Variants in KCNMA1 observed in about 807,000 individuals in gnomAD.
KCNMA1 encodes potassium calcium-activated channel subfamily M alpha 1.
A neutral mutation model predicts 140.0 loss-of-function variants in KCNMA1; 29 were observed. The ratio of observed to expected loss-of-function variants is 0.21; its 90% CI spans 0.15 to 0.28. The LOEUF is 0.28. KCNMA1 is among the 10% of genes least tolerant of loss of function. The pLI, the probability that KCNMA1 is intolerant of heterozygous loss-of-function variation, is 1.00. For synonymous variants in KCNMA1, 612 were observed against 611.9 expected (o/e 1.00, Z 0.00); for missense variants, 880 against 1,602.2 (o/e 0.55, Z 7.70).
intron 2 of KCNMA1, among the ~76,000 whole-genome samples, chr10:77,262,585 G>A (rs904832362): frequency 1.3e-5 from 2 of 152,116 alleles, no homozygotes; most frequent in South Asian, 4.2e-4. Flanking sequence ...TTTTGGTCAT[G>A]GGGGTGGATC....
At chr10:76,906,744 G>T (rs1468255101) in intron 25 of KCNMA1, among the ~76,000 whole-genome samples, 1 of 152,088 alleles carries the variant, frequency 6.6e-6, no homozygotes, top group Non-Finnish European at 1.5e-5. Flanking sequence ...AGCCCTTTTT[G>T]TTCCTTCTAG....
chr10:77,442,088 G>A (rs1466511591), intron 1 of KCNMA1, among the ~76,000 whole-genome samples: 1 of 152,134 alleles, frequency 6.6e-6, no homozygotes, highest in African/African-American at 2.4e-5. Context: ...AGATCACCCA[G>A]GAGACTCGAA....
At chr10:76,934,402 C>T (rs1305097913) in intron 23 of KCNMA1, among the ~76,000 whole-genome samples, 1 of 152,176 alleles carries the variant, frequency 6.6e-6, no homozygotes, top group African/African-American at 2.4e-5. Context: ...GACAAAAATG[C>T]ACTGAATAGC....
chr10:77,556,724 C>A (rs2064620119), intron 1 of KCNMA1, among the ~76,000 whole-genome samples: 1 of 152,072 alleles, frequency 6.6e-6, no homozygotes, highest in South Asian at 2.1e-4. Context: ...TCATGAGCAT[C>A]CCAACCAAGT....
intron 15 of KCNMA1, among the ~76,000 whole-genome samples, chr10:77,037,467 C>G (rs1040575206): frequency 6.6e-6 from 1 of 152,174 alleles, no homozygotes; most frequent in Non-Finnish European, 1.5e-5. Context: ...TCAAACATAC[C>G]TAGTGACTAT....
At chr10:77,463,179 T>C (rs182032925) in intron 1 of KCNMA1, among the ~76,000 whole-genome samples, 7 of 152,216 alleles carry the variant, frequency 4.6e-5, no homozygotes, top group Admixed American at 4.6e-4. Context: ...TCCCTTCATA[T>C]CACTATCTTG....
rs78729295 is a variant in KCNMA1, at chr10:77,096,297, C to T, written c.1224-5787G>A. Among the ~76,000 whole-genome samples the T allele has an allele frequency of 1.3e-4, 20 of 152,286 alleles. No individual in the cohort carries two copies. The East Asian group carries it at 3.5e-3, about 27-fold the overall frequency. On this transcript the variant is annotated intron_variant, in intron 9 of 27. Transcript: ENST00000286628. ...AGTCACTAAAATGAAGAGGCCCAGG[C>T]TGACTGGGCTGCACCCACCAGACAC... is the stretch of plus-strand genomic sequence containing the variant.
chr10:77,216,532 A>G (rs2047841272), intron 3 of KCNMA1, among the ~76,000 whole-genome samples: 3 of 152,174 alleles, frequency 2.0e-5, no homozygotes, highest in African/African-American at 7.2e-5. Context: ...GAAAGAAAAT[A>G]TTTACCAATT....
intron 14 of KCNMA1, among the ~76,000 whole-genome samples, chr10:77,069,296 T>G (rs970757296): frequency 6.6e-6 from 1 of 152,180 alleles, no homozygotes; most frequent in Non-Finnish European, 1.5e-5. Flanking sequence ...CACCAGGATG[T>G]TCGTGCGAAC....
Position 76,924,029 on chromosome 10 carries a change from A to G in KCNMA1, c.2903-8980T>C, listed in dbSNP as rs550368088. The stretch of plus-strand genomic sequence containing the variant: ...CAAAAAATAAAATATAATGAGACAT[A>G]CTTGCTTGGCCAGTGTGGATCAAAT... On this transcript the variant is annotated intron_variant, in intron 23 of 27. Coordinates refer to ENST00000286628, the MANE Select transcript of KCNMA1 (RefSeq NM_001161352.2). Among the ~76,000 whole-genome samples the G allele has an allele frequency of 5.0e-4, 76 of 152,292 alleles. 2 individuals are homozygous for G. In the South Asian group the frequency reaches 0.014, roughly 29 times the overall value.
intron 6 of KCNMA1, among the ~76,000 whole-genome samples, chr10:77,113,146 G>C (rs1422842871): frequency 6.6e-6 from 1 of 151,972 alleles, no homozygotes. Flanking sequence ...CAACTGTCAG[G>C]AAACAAGGAC....
rs540818990 is a variant in KCNMA1 at position 77,565,344 on chromosome 10, G to C, written c.378+71921C>G. ...AGCAGCGGGCGGGGAAACAGGGAGA[G>C]AGCTTTTACTTCTGAGCACATTTTC... On this transcript the variant is annotated intron_variant, in intron 1 of 27. Coordinates refer to ENST00000286628, the MANE Select transcript of KCNMA1 (RefSeq NM_001161352.2). Among the ~76,000 whole-genome samples, 5 of 142,294 alleles carry C rather than the reference G, an allele frequency of 3.5e-5. No homozygotes were observed. The East Asian group carries it at 1.1e-3, about 30-fold the overall frequency. The allele number at this position is 142,294 out of a possible 152,430, so 93.4% of individuals were successfully genotyped here.
At chr10:77,614,191 T>C (rs1015571697) in intron 1 of KCNMA1, among the ~76,000 whole-genome samples, 1 of 152,194 alleles carries the variant, frequency 6.6e-6, no homozygotes, top group Non-Finnish European at 1.5e-5. Flanking sequence ...GCCCAAAATA[T>C]AAATGTAACC....
At chr10:77,587,619 G>C in intron 1 of KCNMA1, 5 of 755,464 alleles carry the variant, frequency 6.6e-6, no homozygotes, top group Non-Finnish European at 8.1e-6. Context: ...TTCTGTGTCT[G>C]GGCTGCGGGC....
intron 3 of KCNMA1, among the ~76,000 whole-genome samples, chr10:77,245,849 T>C (rs1036876759): frequency 6.6e-6 from 1 of 152,270 alleles, no homozygotes; most frequent in South Asian, 2.1e-4. Context: ...TTTTTGTTCA[T>C]TTGATCCTAT....
chr10:77,482,838 T>C (rs992746253), intron 1 of KCNMA1, among the ~76,000 whole-genome samples: 7 of 152,090 alleles, frequency 4.6e-5, no homozygotes, highest in South Asian at 2.1e-4. Flanking sequence ...CCAAATGTCA[T>C]GCAGCATGAT....
Position 76,911,568 on chromosome 10 carries a change from C to CT in KCNMA1, c.3017-1473_3017-1472insA, listed in dbSNP as rs1324226501. ...TCATGAGGCTGTCAGGAGGCTCATA[C>CT]GAATGGGATGGTGCCCAGTAAGCCT... On this transcript the variant is annotated intron_variant, in intron 24 of 27. Transcript: ENST00000286628. 7.2e-5 allele frequency: 11 copies of CT among 152,342 alleles called. No homozygotes were observed. In the East Asian group the frequency reaches 1.9e-3, roughly 27 times the overall value. The allele number at this position is 152,342 out of a possible 1,614,324, so 9.4% of individuals were successfully genotyped here. A position where few individuals can be genotyped will look rare whatever the true frequency, so the allele number is the denominator to read the frequency against.
At chr10:77,577,074 C>T (rs2074378207) in intron 1 of KCNMA1, among the ~76,000 whole-genome samples, 1 of 151,448 alleles carries the variant, frequency 6.6e-6, no homozygotes, top group Admixed American at 6.6e-5. Context: ...GTAACTGACC[C>T]CATGTTGACG....
chr10:77,194,428 C>T (rs1331837225), intron 3 of KCNMA1, among the ~76,000 whole-genome samples: 3 of 152,176 alleles, frequency 2.0e-5, no homozygotes, highest in South Asian at 2.1e-4. Flanking sequence ...TAACTTATGC[C>T]TTATACTCCC....
Sources: allele counts gnomAD v4.1 joint callset (sites outside exome capture counted in the v4.1 genomes callset), GRCh38; gene constraint gnomAD v4.1.1; transcripts MANE v1.5; gene names NCBI Gene and HGNC (gene_info 2026-07-23, HGNC 2026-07-21).